The following PI4KB variants were observed in gnomAD, a reference collection of about 807,000 sequenced individuals.
PI4KB encodes PtdIns 4-kinase beta.
In PI4KB, 23 loss-of-function variants were observed where a neutral mutation model predicts 81.4. That is an observed-to-expected ratio of 0.28 (90% CI 0.20 to 0.40). The LOEUF (loss-of-function observed/expected upper bound fraction) is 0.40, where lower values mean the gene tolerates loss of function less well. Ranked by LOEUF, PI4KB falls within the 10% of genes least tolerant of loss-of-function variation. The probability of loss-of-function intolerance (pLI) is 1.00; values close to 1 mark genes in which losing one functional copy is unlikely to be tolerated. For missense variants in PI4KB, 651 were observed against 1,036.6 expected (o/e 0.63, Z 5.11); for synonymous variants, 381 against 406.8 (o/e 0.94, Z 0.76).
intron 6 of PI4KB, among the ~76,000 whole-genome samples, chr1:151,302,637 G>T (rs998322714): frequency 2.0e-5 from 3 of 150,168 alleles, no homozygotes; most frequent in Non-Finnish European, 3.0e-5. Context: ...GAGTGCAGTG[G>T]CGAGATCTCG....
chr1:151,306,741 C>A (rs1369727549), intron 4 of PI4KB, among the ~76,000 whole-genome samples: 2 of 152,196 alleles, frequency 1.3e-5, no homozygotes, highest in African/African-American at 4.8e-5. Flanking sequence ...CAAAGCTGGG[C>A]ACTGTCCCAA....
At chr1:151,320,671 G>T (rs12076626) in intron 1 of PI4KB, among the ~76,000 whole-genome samples, 5,016 of 152,252 alleles carry the variant, frequency 0.033, 274 homozygotes, top group African/African-American at 0.11. Context: ...GGAATAATAA[G>T]AAGGAAGCTT....
At chr1:151,314,408 A>ACC (rs1647593676) in intron 2 of PI4KB, among the ~76,000 whole-genome samples, 2 of 152,222 alleles carry the variant, frequency 1.3e-5, no homozygotes, top group African/African-American at 4.8e-5. Flanking sequence ...TTGGTAGTCC[A>ACC]CTGGGCAGCT....
chr1:151,297,337 T>C (rs1694888362), intron 9 of PI4KB, among the ~76,000 whole-genome samples: 1 of 151,118 alleles, frequency 6.6e-6, no homozygotes, highest in South Asian at 2.1e-4. Flanking sequence ...GCCTCGGCCT[T>C]GTTGGCTAGA....
intron 9 of PI4KB, among the ~76,000 whole-genome samples, chr1:151,297,446 A>C (rs587748300): frequency 6.7e-6 from 1 of 148,478 alleles, no homozygotes; most frequent in Non-Finnish European, 1.5e-5. Flanking sequence ...GGTTCAAGCA[A>C]TTCTCCTGCC....
At chr1:151,312,729 A>G (rs1647299936) in intron 2 of PI4KB, among the ~76,000 whole-genome samples, 1 of 152,256 alleles carries the variant, frequency 6.6e-6, no homozygotes, top group African/African-American at 2.4e-5. Context: ...AAAATGCCAA[A>G]GGGGCTGGGT....
chr1:151,308,699 A>G (rs1695982844), intron 3 of PI4KB, among the ~76,000 whole-genome samples: 1 of 152,178 alleles, frequency 6.6e-6, no homozygotes, highest in Non-Finnish European at 1.5e-5. Context: ...GGGGAAAAAG[A>G]GGGACTCAGC....
rs1202957983 is a variant in PI4KB, at chr1:151,291,880, TA to T, written c.*971del. The T allele has an allele frequency of 2.6e-5, 4 of 152,252 alleles. No individual in the cohort carries two copies. Among genetic ancestry groups the T allele is most frequent in the African/African-American group, 9.7e-5 (4 of 41,308 alleles). The allele number at this position is 152,252 out of a possible 1,614,324, so 9.4% of individuals were successfully genotyped here. On this transcript the variant is annotated 3_prime_UTR_variant, in exon 12 of 12. Transcript: ENST00000368873. ...GGAACTAGGGAGAAAACCAGACCAT[TA>T]AAACTGTTTGTGGTCGAATCTCCAT...
chr1:151,321,724 T>C (rs1473055273), intron 1 of PI4KB, among the ~76,000 whole-genome samples: 1 of 151,380 alleles, frequency 6.6e-6, no homozygotes, highest in Non-Finnish European at 1.5e-5. Flanking sequence ...ATACAAAAAA[T>C]TAGCCGGGCA....
Position 151,302,279 on chromosome 1 carries a change from G to A in PI4KB, c.1540C>T (p.Leu514=), listed in dbSNP as rs751448756. 6.2e-7 allele frequency: 1 copy of A among 1,614,102 alleles called. No individual in the cohort carries two copies. The highest frequency in any genetic ancestry group is 1.1e-5 in the South Asian group (1 of 91,086). The stretch of plus-strand genomic sequence containing the variant: ...TTGAAGGCTGTCGGGGTATGAGCCA[G>A]CTGTTCCGAAAGGCGCCGGCTGGCA... The part of the protein sequence containing the change: ...GDIRRRLSEQ[L]AHTPTAFKRD... The change falls in exon 7 of 12, where the codon CTG becomes TTG. Residue 514 remains leucine (L), a synonymous_variant. Coordinates refer to ENST00000368873, the MANE Select transcript of PI4KB (RefSeq NM_001369623.2).
intron 2 of PI4KB, among the ~76,000 whole-genome samples, chr1:151,310,695 G>A (rs1696149492): frequency 6.6e-6 from 1 of 151,974 alleles, no homozygotes; most frequent in Admixed American, 6.6e-5. Context: ...TAAGCTGCAT[G>A]GCTCCCATAC....
chr1:151,305,303 C>G (rs587732909), intron 5 of PI4KB, among the ~76,000 whole-genome samples: 1 of 152,336 alleles, frequency 6.6e-6, no homozygotes, highest in East Asian at 1.9e-4. Flanking sequence ...TCTGCTCTGG[C>G]TCTTCATGCC....
intron 2 of PI4KB, among the ~76,000 whole-genome samples, chr1:151,315,266 C>G (rs1054001864): frequency 6.6e-6 from 1 of 152,102 alleles, no homozygotes; most frequent in Non-Finnish European, 1.5e-5. Flanking sequence ...CGTGAGCCAC[C>G]GCGCCTGGCC....
rs978310756 is a variant in PI4KB, at chr1:151,291,902, T to A, written c.*950A>T. ...CATTAAAACTGTTTGTGGTCGAATC[T>A]CCATTCAGGCCTCTCTTTTTCTGTG... On this transcript the variant is annotated 3_prime_UTR_variant, in exon 12 of 12. Coordinates refer to ENST00000368873, the MANE Select transcript of PI4KB (RefSeq NM_001369623.2). 3.9e-5 allele frequency: 6 copies of A among 152,356 alleles called. No individual in the cohort carries two copies. Among genetic ancestry groups the A allele is most frequent in the African/African-American group, 1.4e-4 (6 of 41,490 alleles). 9.4% of individuals were successfully genotyped at this position (152,356 alleles called of 1,614,324 possible).
chr1:151,327,675 GC>G, upstream of PI4KB: 1 of 332,384 alleles, frequency 3.0e-6, no homozygotes, highest in South Asian at 1.6e-4. Flanking sequence ...CGGGTGAGCT[GC>G]CTGGAACATG....
At chr1:151,324,988 C>CTTTTTTTTT (rs572033691) in intron 1 of PI4KB, 1 of 357,698 alleles carries the variant, frequency 2.8e-6, no homozygotes. Context: ...AGGAAAGCTG[C>CTTTTTTTTT]TTTTTTTTTT....
chr1:151,303,392 C>A, intron 6 of PI4KB, 149 bp downstream of exon 6: 1 of 681,382 alleles, frequency 1.5e-6, no homozygotes, highest in South Asian at 1.6e-5. Flanking sequence ...TTCATTGCCT[C>A]AAGTTTGGTG....
At position 151,301,948 on chromosome 1, in the gene PI4KB, G is replaced by C; in HGVS notation, c.1645C>G (p.Pro549Ala). Residue 549 changes from proline (P) to alanine (A), a missense_variant, in exon 8 of 12, where the codon CCC becomes GCC. This residue lies in a region of PI4KB where 246 missense variants were observed against 430.1 expected (regional missense o/e 0.57). Coordinates refer to ENST00000368873, the MANE Select transcript of PI4KB (RefSeq NM_001369623.2). ...CGCCAATTGGGGAGATGGCCGTAGG[G>C]GGAGCCCTCTCTGATCCGCCTGTGA... ...EKVRRIREGS[P>A]YGHLPNWRLL... 5.0e-6 allele frequency: 8 copies of C among 1,613,656 alleles called. No homozygotes were observed. Among genetic ancestry groups the C allele is most frequent in the Non-Finnish European group, 6.8e-6 (8 of 1,179,952 alleles).
chr1:151,306,682 C>T (rs934246887), intron 4 of PI4KB, among the ~76,000 whole-genome samples: 10 of 152,180 alleles, frequency 6.6e-5, no homozygotes, highest in Non-Finnish European at 1.3e-4. Flanking sequence ...TCTGTGGGCT[C>T]GTCCTGAAGA....
Sources: gnomAD v4.1 joint callset for allele counts (sites outside exome capture counted in the v4.1 genomes callset) on GRCh38, gnomAD v4.1.1 for gene constraint, gnomAD v4.1.1 regional missense constraint, MANE v1.5 for transcripts, NCBI Gene and HGNC (gene_info 2026-07-23, HGNC 2026-07-21) for gene names.